CCDC196: variants seen among roughly 807,000 people sequenced by gnomAD.
CCDC196 encodes coiled-coil domain containing 196, also known as coiled-coil domain-containing protein 196.
chr14:66,492,339 C>CATTTT, intron 8 of CCDC196, 145 bp downstream of exon 8: 1 of 298,424 alleles, frequency 3.4e-6, no homozygotes, highest in Non-Finnish European at 6.0e-6. Flanking sequence ...TTTTCATTAT[C>CATTTT]TTTTTTTTTT....
intron 8 of CCDC196, among the ~76,000 whole-genome samples, chr14:66,494,152 A>G (rs543609237): frequency 6.6e-6 from 1 of 152,304 alleles, no homozygotes; most frequent in East Asian, 1.9e-4. Context: ...ATAGGGTACT[A>G]TACGGCTTAG....
intron 4 of CCDC196, 37 bp downstream of exon 4, chr14:66,489,074 C>T (rs2057477660): frequency 2.4e-6 from 1 of 413,024 alleles, no homozygotes; most frequent in Admixed American, 4.4e-5. Flanking sequence ...TATTGTCCTA[C>T]AGATCACAAC....
At chr14:66,497,694 C>T (rs1873194776) in intron 8 of CCDC196, among the ~76,000 whole-genome samples, 1 of 151,988 alleles carries the variant, frequency 6.6e-6, no homozygotes. Flanking sequence ...TCATTGCCTC[C>T]CTTCTCACCC....
At chr14:66,492,306 T>C in intron 8 of CCDC196, 112 bp downstream of exon 8, 1 of 403,938 alleles carries the variant, frequency 2.5e-6, no homozygotes, top group Non-Finnish European at 4.4e-6. Context: ...GTAAGTTAAA[T>C]GTTAGTAGTA....
At chr14:66,487,690 A>G (rs1426264310) in intron 2 of CCDC196, among the ~76,000 whole-genome samples, 2 of 152,200 alleles carry the variant, frequency 1.3e-5, no homozygotes, top group African/African-American at 4.8e-5. Flanking sequence ...GATATCAGTG[A>G]CTTCCCCAAT....
intron 8 of CCDC196, among the ~76,000 whole-genome samples, chr14:66,492,399 G>A (rs900076948): frequency 2.7e-5 from 4 of 150,042 alleles, no homozygotes; most frequent in South Asian, 2.1e-4. Flanking sequence ...GCAGTGGTGC[G>A]ATCTCAGCTC....
In CCDC196 at chr14:66,486,547, A is replaced by C. The variant is rs1293833342; in HGVS notation, c.45A>C (p.Glu15Asp). 1 of 413,108 alleles carries C rather than the reference A, an allele frequency of 2.4e-6. No individual in the cohort carries two copies. The allele number at this position is 413,108 out of a possible 1,614,324, so 25.6% of individuals were successfully genotyped here. The change falls in exon 1 of 10, where the codon GAA (glutamate) becomes GAC (aspartate). Residue 15 changes from glutamate to aspartate, a missense_variant. By Grantham distance (45) the Glu-to-Asp change is conservative. Transcript: ENST00000636229. ...CTTCAGGATCTTACCTGCCCTCAGA[A>C]ATAAGGTGAGTCTTTGATGGAAAAT... ...ANSSGSYLPS[E>D]IRSSKIDDNY...
At chr14:66,487,815 C>T (rs2057443198) in intron 2 of CCDC196, among the ~76,000 whole-genome samples, 1 of 152,090 alleles carries the variant, frequency 6.6e-6, no homozygotes, top group Admixed American at 6.6e-5. Flanking sequence ...GGTTCTTCAA[C>T]CTCTTCTTAT....
At position 66,496,200 on chromosome 14, in the gene CCDC196, C is replaced by T. The variant is rs76455155; in HGVS notation, c.716-1909C>T. On this transcript the variant is annotated intron_variant, in intron 8 of 9. Coordinates refer to ENST00000636229, the MANE Select transcript of CCDC196 (RefSeq NM_001351576.1). Reference sequence around the variant, plus strand: ...GTGGAATATAATTTTGGACACACCTCTCAGTAAATCAGGGTACAGGCTTTT... The same window carrying T: ...GTGGAATATAATTTTGGACACACCTTTCAGTAAATCAGGGTACAGGCTTTT... 1.6e-4 allele frequency: 71 copies of T among 453,792 alleles called. 1 individual carries two copies. In the East Asian group the frequency reaches 4.9e-3, roughly 31 times the overall value. The allele number at this position is 453,792 out of a possible 1,614,324, so 28.1% of individuals were successfully genotyped here. A position where few individuals can be genotyped will look rare whatever the true frequency, so the allele number is the denominator to read the frequency against.
intron 2 of CCDC196, among the ~76,000 whole-genome samples, chr14:66,487,404 A>G (rs2139574077): frequency 6.6e-6 from 1 of 152,248 alleles, no homozygotes; most frequent in Non-Finnish European, 1.5e-5. Flanking sequence ...TGGAGAACAA[A>G]ACGCAGGCAG....
In CCDC196 at chr14:66,486,472, G is replaced by A. The variant is rs201105824; in HGVS notation, c.-31G>A. The A allele has an allele frequency of 1.2e-5, 5 of 408,248 alleles. No individual in the cohort carries two copies. The highest frequency in any genetic ancestry group is 2.2e-5 in the Non-Finnish European group (5 of 225,978). 25.3% of individuals were successfully genotyped at this position (408,248 alleles called of 1,614,324 possible). Reference sequence around the variant, plus strand: ...AAAAAAGGCACATATTTTCAGGAAGGCCTCTTTATTCTTAGAAGTTACCCT... The same window carrying A: ...AAAAAAGGCACATATTTTCAGGAAGACCTCTTTATTCTTAGAAGTTACCCT... On this transcript the variant is annotated 5_prime_UTR_variant, in exon 1 of 10. Coordinates refer to ENST00000636229, the MANE Select transcript of CCDC196 (RefSeq NM_001351576.1).
At chr14:66,495,782 C>T (rs772980215) in intron 8 of CCDC196, 2 of 155,256 alleles carry the variant, frequency 1.3e-5, no homozygotes, top group Admixed American at 6.3e-5. Context: ...GTGCCACATT[C>T]ATGTATCAAA....
chr14:66,488,883 C>T (rs778821738), intron 3 of CCDC196, 104 bp from the exon 4 acceptor site: 68 of 410,586 alleles, frequency 1.7e-4, no homozygotes, highest in Non-Finnish European at 2.7e-4. Flanking sequence ...TTTACTATGT[C>T]CCTGGACCCT....
intron 8 of CCDC196, chr14:66,496,973 C>G (rs920639361): frequency 6.6e-6 from 1 of 152,234 alleles, no homozygotes; most frequent in Non-Finnish European, 1.5e-5. Context: ...GTTCTGAAAG[C>G]AAGTCATTCT....
At chr14:66,488,649 G>C (rs1231549870) in intron 3 of CCDC196, among the ~76,000 whole-genome samples, 1 of 152,072 alleles carries the variant, frequency 6.6e-6, no homozygotes, top group Non-Finnish European at 1.5e-5. Context: ...GCAATGTAAA[G>C]GATCTTAAAA....
In CCDC196 at chr14:66,489,020, G is replaced by C. The variant is rs2139582304; in HGVS notation, c.334G>C (p.Glu112Gln). 2.4e-6 allele frequency: 1 copy of C among 413,264 alleles called. No homozygotes were observed. The highest frequency in any genetic ancestry group is 3.6e-5 in the East Asian group (1 of 28,066). The allele number at this position is 413,264 out of a possible 1,614,324, so 25.6% of individuals were successfully genotyped here. ...RKNKMLRKEMEMLWNKTFEAE... is the reference protein window; with the variant it reads ...RKNKMLRKEMQMLWNKTFEAE... ...AAACAAGATGCTTCGGAAGGAAATG[G>C]AGATGCTATGGAACAAGGTGTGCCT... The change falls in exon 4 of 10, where the codon GAG (glutamate) becomes CAG (glutamine). Residue 112 changes from glutamate to glutamine, a missense_variant. Coordinates refer to ENST00000636229, the MANE Select transcript of CCDC196 (RefSeq NM_001351576.1).
At chr14:66,488,797 T>C (rs894399457) in intron 3 of CCDC196, among the ~76,000 whole-genome samples, 190 bp from the exon 4 acceptor site, 31 of 152,160 alleles carry the variant, frequency 2.0e-4, no homozygotes, top group African/African-American at 7.0e-4. Flanking sequence ...TGGTTTTTTT[T>C]TTACCATCAT....
intron 8 of CCDC196, among the ~76,000 whole-genome samples, chr14:66,494,192 T>C (rs1292452812): frequency 6.6e-6 from 1 of 152,232 alleles, no homozygotes; most frequent in African/African-American, 2.4e-5. Flanking sequence ...CCACAGGCAA[T>C]GGATCAATGT....
chr14:66,498,363 G>A lies in CCDC196; in HGVS notation c.785G>A (p.Gly262Glu), dbSNP rs1487114099. Residue 262 changes from glycine to glutamate, a missense_variant, in exon 10 of 10, where the codon GGA becomes GAA. By Grantham distance (98) the Gly-to-Glu change is moderately conservative. Transcript: ENST00000636229. ...TTTTTTCCTGTCTAGAGAATTCTGG[G>A]AACAAAGATCTACACAGAACAACAA... ...GRNEHHVRIL[G>E]TKIYTEQQGT... 2 of 382,220 alleles carry A rather than the reference G, an allele frequency of 5.2e-6. No homozygotes were observed. Among genetic ancestry groups the A allele is most frequent in the African/African-American group, 5.1e-5 (2 of 39,242 alleles). 23.7% of individuals were successfully genotyped at this position (382,220 alleles called of 1,614,324 possible).
Sources: allele counts gnomAD v4.1 joint callset (sites outside exome capture counted in the v4.1 genomes callset), GRCh38; gene constraint gnomAD v4.1.1; transcripts MANE v1.5; gene names NCBI Gene and HGNC (gene_info 2026-07-23, HGNC 2026-07-21).